The following CCDC88A variants were observed in gnomAD, a reference collection of about 807,000 sequenced individuals.
The protein encoded by CCDC88A is coiled-coil and HOOK domain protein 88A.
In CCDC88A, 54 loss-of-function variants were observed where a neutral mutation model predicts 234.3. The ratio of observed to expected loss-of-function variants is 0.23; its 90% CI spans 0.19 to 0.29. The LOEUF (loss-of-function observed/expected upper bound fraction) is 0.29. CCDC88A is among the 10% of genes least tolerant of loss of function. The pLI is 1.00. For missense variants in CCDC88A, 1,832 were observed against 2,123.4 expected, an observed-to-expected ratio of 0.86 and a Z score of 2.70; for synonymous variants, 753 against 737.8, an observed-to-expected ratio of 1.02 and a Z score of -0.33.
At chr2:55,384,075 T>C (rs1002920394) in intron 3 of CCDC88A, among the ~76,000 whole-genome samples, 4 of 151,906 alleles carry the variant, frequency 2.6e-5, no homozygotes, top group African/African-American at 9.7e-5. Context: ...GACACACATG[T>C]GTAGTCCCAG....
rs201676947 is a variant in CCDC88A at position 55,355,748 on chromosome 2, T to C, written c.631A>G (p.Ile211Val). 48 of 1,609,722 alleles carry C rather than the reference T, an allele frequency of 3.0e-5. No individual in the cohort carries two copies. In the East Asian group the frequency reaches 3.8e-4, roughly 13 times the overall value. Residue 211 changes from isoleucine to valine, a missense_variant, in exon 8 of 33, where the codon ATC (isoleucine) becomes GTC (valine). Coordinates refer to ENST00000436346, the MANE Select transcript of CCDC88A (RefSeq NM_001365480.1). ...TCCCGCTCTTCAGAGAGTTCTATGA[T>C]AGTCTAGAAATACACACAGAATCAC... ...IDERDEHSETIIELSEERDGL... is the reference protein window; with the variant it reads ...IDERDEHSETVIELSEERDGL...
intron 2 of CCDC88A, among the ~76,000 whole-genome samples, chr2:55,406,616 G>A (rs559175875): frequency 1.3e-5 from 2 of 152,000 alleles, no homozygotes; most frequent in Non-Finnish European, 2.9e-5. Flanking sequence ...ATATTTAGCC[G>A]GGTGTGGTGG....
At chr2:55,324,067 A>C (rs1683963450) in intron 17 of CCDC88A, 1 of 152,202 alleles carries the variant, frequency 6.6e-6, no homozygotes, top group South Asian at 2.1e-4. Flanking sequence ...AAAAATGATT[A>C]CTTTATGTAT....
In CCDC88A at chr2:55,334,188, T is replaced by G; in HGVS notation, c.2633A>C (p.Glu878Ala). 7.1e-7 allele frequency: 1 copy of G among 1,399,566 alleles called. No individual in the cohort carries two copies. Among genetic ancestry groups the G allele is most frequent in the East Asian group, 2.6e-5 (1 of 38,188 alleles). The allele number at this position is 1,399,566 out of a possible 1,614,324, so 86.7% of individuals were successfully genotyped here. The part of the protein sequence containing the change: ...TLSKEIGIYK[E>A]SCVRLKELEK... ...TAGTTCTTTCAGACGGACACAAGATTCTTTATATATACCAATTTCTTTGGA... is the reference window on the plus strand; with the variant it reads ...TAGTTCTTTCAGACGGACACAAGATGCTTTATATATACCAATTTCTTTGGA... The change falls in exon 15 of 33, where the codon GAA becomes GCA. Residue 878 changes from glutamate (E) to alanine (A), a missense_variant. By Grantham distance (107) the Glu-to-Ala change is moderately radical (BLOSUM62 -1). This residue lies in a region of CCDC88A where 1,282 missense variants were observed against 1,543.6 expected (regional missense o/e 0.83). Transcript: ENST00000436346. This position sits in a 1 kb window ranked among gnomAD's most constrained non-coding sequence, Gnocchi z 6.1.
intron 2 of CCDC88A, among the ~76,000 whole-genome samples, chr2:55,406,762 TA>T (rs11334511): frequency 0.9 from 135,660 of 150,208 alleles, 61,352 homozygotes; most frequent in Admixed American, 0.95. Context: ...CTGTCTCAAA[TA>T]AAAAAAAAAA....
intron 15 of CCDC88A, among the ~76,000 whole-genome samples, chr2:55,333,850 T>C (rs1049766341): frequency 1.3e-5 from 2 of 152,062 alleles, no homozygotes; most frequent in African/African-American, 4.8e-5. Context: ...AAAATTATAA[T>C]GTAATAAGTC....
Position 55,328,381 on chromosome 2 carries a change from T to C in CCDC88A, c.2910A>G (p.Glu970=). 1 of 1,596,974 alleles carries C rather than the reference T, an allele frequency of 6.3e-7. No homozygotes were observed. Among genetic ancestry groups the C allele is most frequent in the South Asian group, 1.1e-5 (1 of 87,814 alleles). ...AAGCAGCAATTTTTTCTTCTTTTAT[T>C]TCAAGAGACTTCTTAAGAGTGGATT... ...KLESTLKKSL[E]IKEEKIAALE... The change falls in exon 17 of 33, where the codon GAA becomes GAG. Residue 970 remains glutamate (E), a synonymous_variant. Transcript: ENST00000436346. This position sits in a 1 kb window ranked among gnomAD's most constrained non-coding sequence, Gnocchi z 4.3.
chr2:55,355,226 A>C (rs2589105), intron 8 of CCDC88A: 88,455 of 210,760 alleles, frequency 0.42, 19,707 homozygotes, highest in East Asian at 0.85. Flanking sequence ...TAAAACATTA[A>C]TTTTAAAAGA....
intron 11 of CCDC88A, 52 bp from the exon 12 acceptor site, chr2:55,343,844 T>C (rs754140697): frequency 7.1e-7 from 1 of 1,407,700 alleles, no homozygotes; most frequent in African/African-American, 1.4e-5. Flanking sequence ...AACAGTACAA[T>C]TTTGAGCAAA....
In CCDC88A at chr2:55,309,222, T is replaced by C; in HGVS notation, c.4112A>G (p.Glu1371Gly). Reference protein sequence around the residue: ...DKLNELRRQKEKLEEKIMDQY... With the variant: ...DKLNELRRQKGKLEEKIMDQY... Reference sequence around the variant, plus strand: ...ATCCATAATTTTCTCTTCTAGTTTCTCCTTCTGACGTCTTAATTCATTTAA... The same window carrying C: ...ATCCATAATTTTCTCTTCTAGTTTCCCCTTCTGACGTCTTAATTCATTTAA... Residue 1371 changes from glutamate to glycine, a missense_variant, in exon 24 of 33, where the codon GAG becomes GGG. By Grantham distance (98) the Glu-to-Gly change is moderately conservative. Coordinates refer to ENST00000436346, the MANE Select transcript of CCDC88A (RefSeq NM_001365480.1). This position sits in a 1 kb window ranked among gnomAD's most constrained non-coding sequence, Gnocchi z 5.1. 1 of 1,524,924 alleles carries C rather than the reference T, an allele frequency of 6.6e-7. No homozygotes were observed. Among genetic ancestry groups the C allele is most frequent in the African/African-American group, 1.4e-5 (1 of 73,418 alleles). The allele number at this position is 1,524,924 out of a possible 1,614,324, so 94.5% of individuals were successfully genotyped here.
intron 31 of CCDC88A, 61 bp from the exon 32 acceptor site, chr2:55,291,836 G>A (rs373119795): frequency 2.3e-6 from 3 of 1,310,278 alleles, no homozygotes; most frequent in Non-Finnish European, 3.3e-6. Flanking sequence ...CAATTCAGAA[G>A]ATAAGAAATA....
At chr2:55,336,267 T>C (rs1481588091) in intron 14 of CCDC88A, among the ~76,000 whole-genome samples, 1 of 152,126 alleles carries the variant, frequency 6.6e-6, no homozygotes, top group Non-Finnish European at 1.5e-5. Context: ...AAAATGAGAA[T>C]GAACATTAAA....
intron 2 of CCDC88A, chr2:55,404,543 A>G (rs1454176597): frequency 2.0e-5 from 3 of 152,328 alleles, no homozygotes; most frequent in East Asian, 1.9e-4. Context: ...AATTAGAAAT[A>G]TAATAAAAAG....
At chr2:55,299,055 G>T (rs915093529) in intron 29 of CCDC88A, among the ~76,000 whole-genome samples, 8 of 151,976 alleles carry the variant, frequency 5.3e-5, no homozygotes, top group Non-Finnish European at 8.8e-5. Context: ...CAAAAAATTA[G>T]CTGGGTGTGG....
intron 2 of CCDC88A, among the ~76,000 whole-genome samples, chr2:55,412,716 T>C (rs572460586): frequency 6.6e-6 from 1 of 152,234 alleles, no homozygotes; most frequent in South Asian, 2.1e-4. Flanking sequence ...AAAATAATTC[T>C]AATGATAATA....
chr2:55,409,843 T>C (rs1351454167), intron 2 of CCDC88A, among the ~76,000 whole-genome samples: 3 of 148,466 alleles, frequency 2.0e-5, no homozygotes, highest in Non-Finnish European at 1.5e-5. Flanking sequence ...CAGCTTCAAG[T>C]GATTCTCCTG....
At chr2:55,403,896 T>C (rs764680884) in intron 2 of CCDC88A, 1 of 152,200 alleles carries the variant, frequency 6.6e-6, no homozygotes, top group African/African-American at 2.4e-5. Flanking sequence ...AGCCTTAAGA[T>C]TGGGTCACAG....
chr2:55,300,361 A>G (rs1680745210), intron 28 of CCDC88A: 1 of 159,624 alleles, frequency 6.3e-6, no homozygotes, highest in African/African-American at 2.4e-5. Context: ...AAGGGTAACA[A>G]CTGTATAATT....
intron 2 of CCDC88A, among the ~76,000 whole-genome samples, chr2:55,394,921 C>T (rs1357759244): frequency 1.3e-5 from 2 of 152,062 alleles, no homozygotes; most frequent in Admixed American, 6.6e-5. Flanking sequence ...CCTCCACTCA[C>T]TGCAACCTCC....
Sources: gnomAD v4.1 joint callset for allele counts (sites outside exome capture counted in the v4.1 genomes callset) on GRCh38, gnomAD v4.1.1 for gene constraint, gnomAD v4.1.1 regional missense constraint, Gnocchi (gnomAD v3.1) non-coding constraint, MANE v1.5 for transcripts, NCBI Gene and HGNC (gene_info 2026-07-23, HGNC 2026-07-21) for gene names.